The following KIDINS220 variants were observed in gnomAD, a reference collection of about 807,000 sequenced individuals.
KIDINS220 encodes kinase D-interacting substrate of 220 kDa.
In KIDINS220, 63 loss-of-function variants were observed where a neutral mutation model predicts 157.6. The ratio of observed to expected loss-of-function variants is 0.40; its 90% confidence interval spans 0.33 to 0.49. The LOEUF is 0.49. Ranked by LOEUF, KIDINS220 falls within the 20% of genes least tolerant of loss-of-function variation. The pLI, the probability that KIDINS220 is intolerant of heterozygous loss-of-function variation, is 0.66. For synonymous variants in KIDINS220, 732 were observed against 783.6 expected (o/e 0.93, Z 1.10); for missense variants, 1,772 against 2,171.2 (o/e 0.82, Z 3.65).
intron 6 of KIDINS220, among the ~76,000 whole-genome samples, chr2:8,809,827 C>G (rs752600321): frequency 1.3e-5 from 2 of 152,048 alleles, no homozygotes; most frequent in African/African-American, 4.8e-5. Flanking sequence ...TACTATTAAA[C>G]GTTAATTTTT....
downstream of KIDINS220, chr2:8,727,166 C>T (rs972441765): frequency 4.3e-5 from 50 of 1,159,842 alleles, no homozygotes; most frequent in Non-Finnish European, 5.3e-5. Flanking sequence ...AAACTCAAAA[C>T]GCGATAGTCT....
Position 8,770,696 on chromosome 2 carries a change from T to C in KIDINS220, c.2985A>G (p.Gln995=). ...TTTCGTAGATGGTTTTTAATGTCAT[T>C]TGATCTGGAATACCTTCAGTCTCTT... is the stretch of plus-strand genomic sequence containing the variant. ...YLEETEGIPD[Q]MTLKTIYERI... The change falls in exon 22 of 30, where the codon CAA becomes CAG. Residue 995 remains glutamine (Q), a synonymous_variant. Transcript: ENST00000256707. The C allele has an allele frequency of 6.2e-7, 1 of 1,606,266 alleles. No individual in the cohort carries two copies. The highest frequency in any genetic ancestry group is 8.5e-7 in the Non-Finnish European group (1 of 1,175,760).
downstream of KIDINS220, chr2:8,722,319 C>A (rs1216719421): frequency 6.6e-6 from 1 of 152,214 alleles, no homozygotes; most frequent in Non-Finnish European, 1.5e-5. Context: ...AGTTAGACTG[C>A]AGAAGAGTGT....
At chr2:8,816,531 C>T (rs1029931101) in intron 4 of KIDINS220, among the ~76,000 whole-genome samples, 33 of 152,338 alleles carry the variant, frequency 2.2e-4, no homozygotes, top group African/African-American at 7.2e-4. Context: ...TGGTATGGTA[C>T]CTATTCCACC....
At chr2:8,728,141 G>C (rs1353096775), downstream of KIDINS220, among the ~76,000 whole-genome samples, 2 of 152,100 alleles carry the variant, frequency 1.3e-5, no homozygotes, top group African/African-American at 2.4e-5. Context: ...CCAGGAGTTC[G>C]AGACCAACCT....
chr2:8,744,247 C>T (rs1666038490), intron 26 of KIDINS220, among the ~76,000 whole-genome samples: 1 of 141,818 alleles, frequency 7.1e-6, no homozygotes, highest in Admixed American at 7.1e-5. Context: ...ATTTATCTGA[C>T]AAGTCCCTCC....
At chr2:8,782,587 C>A (rs1306540757) in intron 17 of KIDINS220, among the ~76,000 whole-genome samples, 2 of 152,124 alleles carry the variant, frequency 1.3e-5, no homozygotes, top group Non-Finnish European at 2.9e-5. Flanking sequence ...TGAAGTCTAC[C>A]AAGCACTTAC....
chr2:8,737,955 C>T (rs1665108601), intron 26 of KIDINS220, among the ~76,000 whole-genome samples: 1 of 152,150 alleles, frequency 6.6e-6, no homozygotes, highest in Non-Finnish European at 1.5e-5. Flanking sequence ...CATAACATGC[C>T]AGTCCTTCAT....
chr2:8,789,749 G>T, intron 14 of KIDINS220, 131 bp downstream of exon 14: 1 of 749,724 alleles, frequency 1.3e-6, no homozygotes, highest in Non-Finnish European at 2.1e-6. Context: ...GTAGCAAAAA[G>T]ATCAATTTTC....
intron 2 of KIDINS220, among the ~76,000 whole-genome samples, chr2:8,821,178 G>A (rs1677896814): frequency 6.6e-6 from 1 of 151,336 alleles, no homozygotes; most frequent in South Asian, 2.1e-4. Flanking sequence ...TAATATAAAT[G>A]TTATAAATAC....
chr2:8,785,692 G>T lies in KIDINS220; in HGVS notation c.2229+49C>A, dbSNP rs1360573079. The T allele has an allele frequency of 2.0e-6, 3 of 1,491,062 alleles. No individual in the cohort carries two copies. In the East Asian group the frequency reaches 6.8e-5, roughly 34 times the overall value. The allele number at this position is 1,491,062 out of a possible 1,614,324, so 92.4% of individuals were successfully genotyped here. On this transcript the variant is annotated intron_variant, in intron 17 of 29. Transcript: ENST00000256707. ...CTAAAGCCCAAATGAGCATGGCAGT[G>T]GCAACATATTCGCATTACAATTTTT...
chr2:8,730,612 GT>G lies in KIDINS220; in HGVS notation c.*107del. 6.8e-7 allele frequency: 1 copy of G among 1,463,958 alleles called. No homozygotes were observed. The highest frequency in any genetic ancestry group is 9.0e-7 in the Non-Finnish European group (1 of 1,114,842). 90.7% of individuals were successfully genotyped at this position (1,463,958 alleles called of 1,614,324 possible). On this transcript the variant is annotated 3_prime_UTR_variant, in exon 30 of 30. Coordinates refer to ENST00000256707, the MANE Select transcript of KIDINS220 (RefSeq NM_020738.4). ...TTTACCTCGGCCTCATCATCGGTTAGTTATCTGTCAGCAAAATGTAGAAAGG... is the reference window on the plus strand; with the variant it reads ...TTTACCTCGGCCTCATCATCGGTTAGTATCTGTCAGCAAAATGTAGAAAGG...
chr2:8,751,893 C>T (rs894187996), intron 22 of KIDINS220, among the ~76,000 whole-genome samples: 6 of 152,098 alleles, frequency 3.9e-5, no homozygotes, highest in African/African-American at 1.4e-4. Flanking sequence ...TTAGTAGAGA[C>T]GGGGTTTCAC....
intron 24 of KIDINS220, chr2:8,749,302 A>G (rs1666992670): frequency 2.5e-6 from 1 of 407,762 alleles, no homozygotes; most frequent in Non-Finnish European, 4.9e-6. Flanking sequence ...TTCTATGACT[A>G]ACTAGGTCCT....
chr2:8,729,589 T>G lies in KIDINS220; in HGVS notation c.*1131A>C. The G allele has an allele frequency of 1.0e-6, 1 of 973,226 alleles. No homozygotes were observed. The highest frequency in any genetic ancestry group is 1.2e-6 in the Non-Finnish European group (1 of 818,852). 60.3% of individuals were successfully genotyped at this position (973,226 alleles called of 1,614,324 possible). On this transcript the variant is annotated 3_prime_UTR_variant, in exon 30 of 30. Transcript: ENST00000256707. The stretch of plus-strand genomic sequence containing the variant: ...TACAGTCACAGCACTTATATAGATA[T>G]ATATATATATTTTACCCTTGCTTTG...
intron 17 of KIDINS220, among the ~76,000 whole-genome samples, chr2:8,781,181 C>G (rs1671692153): frequency 1.1e-5 from 1 of 87,752 alleles, no homozygotes; most frequent in South Asian, 4.1e-4. Context: ...GGGGGCATTA[C>G]ATAACAACAA....
At chr2:8,810,327 T>C (rs1676104947) in intron 6 of KIDINS220, among the ~76,000 whole-genome samples, 1 of 152,170 alleles carries the variant, frequency 6.6e-6, no homozygotes. Context: ...TAAGTGCAGG[T>C]ACAGGGCACT....
At chr2:8,785,708 T>C in intron 17 of KIDINS220, 33 bp downstream of exon 17, 1 of 1,571,288 alleles carries the variant, frequency 6.4e-7, no homozygotes, top group Non-Finnish European at 8.6e-7. Context: ...ATATTCGCAT[T>C]ACAATTTTTT....
chr2:8,777,909 A>T (rs1386519141), intron 20 of KIDINS220, among the ~76,000 whole-genome samples: 1 of 152,222 alleles, frequency 6.6e-6, no homozygotes, highest in East Asian at 1.9e-4. Flanking sequence ...ATATCTGTAA[A>T]GGGTAGAGGC....
Sources: allele counts gnomAD v4.1 joint callset (sites outside exome capture counted in the v4.1 genomes callset), GRCh38; gene constraint gnomAD v4.1.1; transcripts MANE v1.5; gene names NCBI Gene and HGNC (gene_info 2026-07-23, HGNC 2026-07-21).